The following PTPRM variants were observed in gnomAD, a reference collection of about 807,000 sequenced individuals.
PTPRM encodes receptor-type tyrosine-protein phosphatase mu.
In PTPRM, 47 loss-of-function variants were observed where a neutral mutation model predicts 186.7. The observed-to-expected ratio is 0.25, with a 90% CI of 0.20 to 0.32. PTPRM has a LOEUF of 0.32. PTPRM is among the 10% of genes least tolerant of loss of function. The pLI is 1.00. For missense variants in PTPRM, 1,494 were observed against 1,865.0 expected, an observed-to-expected ratio of 0.80 and a Z score of 3.66; for synonymous variants, 668 against 674.9, an observed-to-expected ratio of 0.99 and a Z score of 0.16.
chr18:8,246,041 G>A (rs1190539985), intron 15 of PTPRM, among the ~76,000 whole-genome samples: 2 of 152,194 alleles, frequency 1.3e-5, no homozygotes, highest in African/African-American at 4.8e-5. Context: ...GAACACAGCA[G>A]TAGACTTTCC....
At chr18:8,296,625 A>G (rs1289628561) in intron 20 of PTPRM, among the ~76,000 whole-genome samples, 170 bp downstream of exon 20, 4 of 152,118 alleles carry the variant, frequency 2.6e-5, no homozygotes, top group Non-Finnish European at 5.9e-5. Flanking sequence ...GTCTACCCCC[A>G]CTTCATCATT....
At chr18:7,614,011 T>C (rs979982840) in intron 1 of PTPRM, among the ~76,000 whole-genome samples, 2 of 152,190 alleles carry the variant, frequency 1.3e-5, no homozygotes, top group African/African-American at 4.8e-5. Flanking sequence ...AGTGGGGGGA[T>C]TGCTGATTTG....
intron 7 of PTPRM, among the ~76,000 whole-genome samples, chr18:8,014,075 C>A (rs1377320035): frequency 1.3e-5 from 2 of 151,914 alleles, no homozygotes; most frequent in Admixed American, 6.6e-5. Context: ...TTTTTTAAAA[C>A]AGAGGCAGTA....
intron 1 of PTPRM, among the ~76,000 whole-genome samples, chr18:7,733,793 C>T (rs2144423739): frequency 6.6e-6 from 1 of 152,302 alleles, no homozygotes; most frequent in East Asian, 1.9e-4. Context: ...CTGCATAAGG[C>T]ACAAATTCCT....
At chr18:8,139,771 T>C (rs12954076) in intron 13 of PTPRM, among the ~76,000 whole-genome samples, 30,364 of 151,940 alleles carry the variant, frequency 0.2, 3,114 homozygotes, top group Middle Eastern at 0.26. Flanking sequence ...CCCATCCTAA[T>C]AGCTGCCTTG....
chr18:7,817,836 T>C (rs192098415), intron 2 of PTPRM, among the ~76,000 whole-genome samples: 128 of 152,294 alleles, frequency 8.4e-4, no homozygotes, highest in African/African-American at 3.0e-3. Flanking sequence ...TGTGCTGTCT[T>C]AGTCTGACTG....
At chr18:8,280,410 T>TGG (rs34651192) in intron 19 of PTPRM, among the ~76,000 whole-genome samples, 1 of 135,924 alleles carries the variant, frequency 7.4e-6, no homozygotes, top group Non-Finnish European at 1.6e-5. Context: ...TGGTCGGGGG[T>TGG]GGGGGGGGGG....
chr18:8,117,905 C>T (rs2092015878), intron 13 of PTPRM, among the ~76,000 whole-genome samples: 1 of 152,146 alleles, frequency 6.6e-6, no homozygotes, highest in South Asian at 2.1e-4. Flanking sequence ...TTAACATTCA[C>T]ATTTTTATAG....
chr18:8,287,115 G>A (rs1231746353), intron 19 of PTPRM, among the ~76,000 whole-genome samples: 1 of 151,708 alleles, frequency 6.6e-6, no homozygotes, highest in Non-Finnish European at 1.5e-5. Flanking sequence ...AAAGAGAAAA[G>A]AGGGACAAGA....
At chr18:8,268,274 T>A (rs2094726686) in intron 19 of PTPRM, among the ~76,000 whole-genome samples, 1 of 152,178 alleles carries the variant, frequency 6.6e-6, no homozygotes, top group African/African-American at 2.4e-5. Flanking sequence ...CTTCAAAATC[T>A]TCTTTATAAA....
intron 19 of PTPRM, among the ~76,000 whole-genome samples, chr18:8,268,040 C>A (rs2094723630): frequency 6.6e-6 from 1 of 151,990 alleles, no homozygotes; most frequent in Non-Finnish European, 1.5e-5. Context: ...GTTGTTAATT[C>A]TCAGTATTTG....
chr18:8,004,370 T>G (rs1295808414), intron 7 of PTPRM, among the ~76,000 whole-genome samples: 1 of 151,986 alleles, frequency 6.6e-6, no homozygotes, highest in Non-Finnish European at 1.5e-5. Context: ...TATAGGGAAT[T>G]GCGTAGAAAA....
In PTPRM at chr18:8,378,537, T is replaced by C. The variant is rs1004914976; in HGVS notation, c.3612+123T>C. 4.1e-6 allele frequency: 5 copies of C among 1,228,174 alleles called. No homozygotes were observed. The East Asian group carries it at 1.2e-4, about 30-fold the overall frequency. The allele number at this position is 1,228,174 out of a possible 1,614,324, so 76.1% of individuals were successfully genotyped here. On this transcript the variant is annotated intron_variant, in intron 27 of 32. Coordinates refer to ENST00000580170, the MANE Select transcript of PTPRM (RefSeq NM_001105244.2). Reference sequence around the variant, plus strand: ...CTTGGCCTCCATAGCACTGTTCGTATTCAGGGCTGGGTAACCCAGAGCTCT... The same window carrying C: ...CTTGGCCTCCATAGCACTGTTCGTACTCAGGGCTGGGTAACCCAGAGCTCT...
chr18:8,001,287 C>G (rs1453022861), intron 7 of PTPRM, among the ~76,000 whole-genome samples: 7 of 152,178 alleles, frequency 4.6e-5, no homozygotes, highest in Admixed American at 4.6e-4. Context: ...TCGTAAACTC[C>G]AGGATGGAGC....
At chr18:7,677,057 T>C (rs2039361407) in intron 1 of PTPRM, among the ~76,000 whole-genome samples, 1 of 152,230 alleles carries the variant, frequency 6.6e-6, no homozygotes, top group Non-Finnish European at 1.5e-5. Context: ...GCTGACACTT[T>C]GTGGCAGGCC....
chr18:8,055,839 A>G (rs1349750211), intron 7 of PTPRM, among the ~76,000 whole-genome samples: 1 of 152,162 alleles, frequency 6.6e-6, no homozygotes, highest in Admixed American at 6.5e-5. Flanking sequence ...TGTTATTCGT[A>G]TGAGATTACC....
At chr18:7,667,211 TATG>T (rs1373695955) in intron 1 of PTPRM, among the ~76,000 whole-genome samples, 1 of 152,234 alleles carries the variant, frequency 6.6e-6, no homozygotes, top group African/African-American at 2.4e-5. Flanking sequence ...ATTACCATTT[TATG>T]ATGATATCAT....
rs374385821 is a variant in PTPRM at position 7,743,364 on chromosome 18, C to T, written c.74-30785C>T. On this transcript the variant is annotated intron_variant, in intron 1 of 32. Transcript: ENST00000580170. Reference sequence around the variant, plus strand: ...GAAAGTTAATATTCTTATACTTATTCCACTGCATTTTTAAATGGAGTCTTT... The same window carrying T: ...GAAAGTTAATATTCTTATACTTATTTCACTGCATTTTTAAATGGAGTCTTT... Among the ~76,000 whole-genome samples, 12 of 152,266 alleles carry T rather than the reference C, an allele frequency of 7.9e-5. No homozygotes were observed. In the South Asian group the frequency reaches 2.5e-3, roughly 32 times the overall value.
chr18:8,256,131 A>C (rs910412628), intron 19 of PTPRM, among the ~76,000 whole-genome samples: 5 of 152,158 alleles, frequency 3.3e-5, no homozygotes, highest in Non-Finnish European at 7.4e-5. Context: ...CATGCTGTAA[A>C]GTCTGCATCC....
Sources: gnomAD v4.1 joint callset for allele counts (sites outside exome capture counted in the v4.1 genomes callset) on GRCh38, gnomAD v4.1.1 for gene constraint, MANE v1.5 for transcripts, NCBI Gene and HGNC (gene_info 2026-07-23, HGNC 2026-07-21) for gene names.